SAMMSON: variants seen among roughly 807,000 people sequenced by gnomAD.
SAMMSON encodes survival associated mitochondrial melanoma specific oncogenic non-coding RNA, also known as long intergenic non-protein coding RNA 1212.
chr3:70,034,985 A>G (rs1287247172), intron 3 of SAMMSON, among the ~76,000 whole-genome samples: 2 of 152,222 alleles, frequency 1.3e-5, no homozygotes, highest in Non-Finnish European at 2.9e-5. Context: ...TTAAAACAAT[A>G]TCAATGACCT....
intron 4 of SAMMSON, among the ~76,000 whole-genome samples, chr3:70,180,474 A>G (rs749531890): frequency 5.3e-5 from 8 of 152,176 alleles, no homozygotes; most frequent in Non-Finnish European, 8.8e-5. Flanking sequence ...ATATGGGTAC[A>G]AACACACATA....
intron 4 of SAMMSON, among the ~76,000 whole-genome samples, chr3:70,129,796 T>C (rs2067474699): frequency 6.6e-6 from 1 of 152,206 alleles, no homozygotes; most frequent in South Asian, 2.1e-4. Context: ...TGGACACTGT[T>C]CCATCAAGAG....
At chr3:70,090,735 C>A in intron 4 of SAMMSON, among the ~76,000 whole-genome samples, 1 of 149,962 alleles carries the variant, frequency 6.7e-6, no homozygotes, top group African/African-American at 2.5e-5. Flanking sequence ...TTATTGGCAA[C>A]TAAAGTAATA....
chr3:70,074,054 T>A (rs754211656), intron 4 of SAMMSON, among the ~76,000 whole-genome samples: 7 of 151,886 alleles, frequency 4.6e-5, no homozygotes, highest in Non-Finnish European at 8.8e-5. Flanking sequence ...TCTTTTTATT[T>A]TGTAGAAGCA....
At chr3:70,340,489 C>A (rs1702703712) in intron 7 of SAMMSON, among the ~76,000 whole-genome samples, 1 of 152,098 alleles carries the variant, frequency 6.6e-6, no homozygotes, top group South Asian at 2.1e-4. Flanking sequence ...GTTCCTACTA[C>A]CTTAACTGAT....
At chr3:70,158,529 C>A (rs966890232) in intron 4 of SAMMSON, among the ~76,000 whole-genome samples, 3 of 149,944 alleles carry the variant, frequency 2.0e-5, no homozygotes, top group African/African-American at 7.4e-5. Context: ...ATGTTCAAGT[C>A]TTTGGGTGGA....
chr3:70,345,730 G>T (rs1438500499), intron 7 of SAMMSON, among the ~76,000 whole-genome samples: 3 of 150,712 alleles, frequency 2.0e-5, no homozygotes, highest in African/African-American at 7.3e-5. Flanking sequence ...TCATGCAATT[G>T]GAATCATATA....
At chr3:70,251,659 T>C (rs895861261) in intron 6 of SAMMSON, among the ~76,000 whole-genome samples, 1 of 152,202 alleles carries the variant, frequency 6.6e-6, no homozygotes, top group African/African-American at 2.4e-5. Context: ...GCATTGAGAA[T>C]ATTATAATAT....
chr3:70,070,616 C>T (rs2067226111), intron 3 of SAMMSON, among the ~76,000 whole-genome samples: 1 of 151,244 alleles, frequency 6.6e-6, no homozygotes, highest in Admixed American at 6.6e-5. Context: ...CCTTGGGGGA[C>T]ATAAATTGAT....
intron 6 of SAMMSON, among the ~76,000 whole-genome samples, chr3:70,277,095 G>GT (rs762746048): frequency 1.8e-4 from 28 of 152,136 alleles, no homozygotes; most frequent in Non-Finnish European, 2.6e-4. Flanking sequence ...TCAATGAGGC[G>GT]TGAGAAACAT....
intron 7 of SAMMSON, among the ~76,000 whole-genome samples, chr3:70,324,334 G>A (rs530379348): frequency 3.3e-5 from 5 of 152,154 alleles, no homozygotes; most frequent in African/African-American, 1.2e-4. Flanking sequence ...CACTGCCTGG[G>A]AATCAGATCA....
At chr3:70,229,441 T>A (rs1243525859) in intron 4 of SAMMSON, among the ~76,000 whole-genome samples, 2 of 152,208 alleles carry the variant, frequency 1.3e-5, no homozygotes, top group Non-Finnish European at 2.9e-5. Flanking sequence ...TGACAGAGAC[T>A]AGCTAGATGC....
intron 4 of SAMMSON, among the ~76,000 whole-genome samples, chr3:70,130,935 G>A (rs1271458745): frequency 1.3e-5 from 2 of 152,074 alleles, no homozygotes; most frequent in East Asian, 1.9e-4. Context: ...ACAATAACTG[G>A]TTGTTTTATG....
At position 70,109,708 on chromosome 3, in the gene SAMMSON, G is replaced by A. The variant is rs149853721; in HGVS notation, n.507+38143G>A. Reference sequence around the variant, plus strand: ...AGAAAAGATTGTGTGGCTAATACACGTGGGATCCACTCTGTGATTTCAGGC... The same window carrying A: ...AGAAAAGATTGTGTGGCTAATACACATGGGATCCACTCTGTGATTTCAGGC... On this transcript the variant is annotated intron_variant and non_coding_transcript_variant, in intron 4 of 9. Coordinates refer to ENST00000642114, the Ensembl canonical transcript of SAMMSON. Among the ~76,000 whole-genome samples, 247 of 152,316 alleles carry A rather than the reference G, an allele frequency of 1.6e-3. 2 individuals carry two copies. The highest frequency in any genetic ancestry group is 5.8e-3 in the African/African-American group (240 of 41,572).
At chr3:70,051,563 G>C (rs375537509) in intron 3 of SAMMSON, among the ~76,000 whole-genome samples, 1 of 151,266 alleles carries the variant, frequency 6.6e-6, no homozygotes, top group African/African-American at 2.4e-5. Context: ...GTTGTTTAGC[G>C]TTATATTTAT....
intron 4 of SAMMSON, among the ~76,000 whole-genome samples, chr3:70,229,227 G>A (rs779564507): frequency 4.6e-5 from 7 of 152,180 alleles, no homozygotes; most frequent in Non-Finnish European, 8.8e-5. Context: ...GAATGGTCAG[G>A]AAGCAAGAGA....
At chr3:70,323,480 A>G (rs1053237733) in intron 7 of SAMMSON, among the ~76,000 whole-genome samples, 2 of 152,140 alleles carry the variant, frequency 1.3e-5, no homozygotes, top group African/African-American at 4.8e-5. Context: ...TGGTTGCCTG[A>G]TCCATGTTGT....
intron 4 of SAMMSON, among the ~76,000 whole-genome samples, chr3:70,216,796 G>A (rs1250330513): frequency 1.3e-5 from 2 of 152,040 alleles, no homozygotes; most frequent in Non-Finnish European, 2.9e-5. Context: ...GCCCCCCAAG[G>A]GAATGGATAT....
At chr3:70,264,473 C>T (rs937599084) in intron 6 of SAMMSON, among the ~76,000 whole-genome samples, 4 of 152,302 alleles carry the variant, frequency 2.6e-5, no homozygotes, top group African/African-American at 9.6e-5. Flanking sequence ...ATCAATGTGC[C>T]TGAGTCCACA....
Sources: gnomAD v4.1 joint callset for allele counts (sites outside exome capture counted in the v4.1 genomes callset) on GRCh38, gnomAD v4.1.1 for gene constraint, MANE v1.5 for transcripts, NCBI Gene and HGNC (gene_info 2026-07-23, HGNC 2026-07-21) for gene names.